The following CNTNAP2 variants were observed in gnomAD, a reference collection of about 807,000 sequenced individuals.
CNTNAP2 encodes the protein contactin associated protein 2.
CNTNAP2 carries 98 observed loss-of-function variants against 155.2 expected under a neutral mutation model. That is an observed-to-expected ratio of 0.63 (90% CI 0.54 to 0.75). The LOEUF (loss-of-function observed/expected upper bound fraction) is 0.75. CNTNAP2 is among the 30% of genes least tolerant of loss of function. The probability of loss-of-function intolerance (pLI) is 0.00; values close to 1 mark genes in which losing one functional copy is unlikely to be tolerated. For missense variants in CNTNAP2, 1,727 were observed against 1,688.1 expected, an observed-to-expected ratio of 1.02 and a Z score of -0.40; for synonymous variants, 651 against 631.2, an observed-to-expected ratio of 1.03 and a Z score of -0.47.
intron 8 of CNTNAP2, among the ~76,000 whole-genome samples, chr7:147,194,987 TC>T (rs1474415072): frequency 6.6e-6 from 1 of 152,212 alleles, no homozygotes; most frequent in Non-Finnish European, 1.5e-5. Flanking sequence ...TGTCATGAAG[TC>T]TTTGCCCATG....
At chr7:147,489,521 C>G (rs1428468313) in intron 11 of CNTNAP2, among the ~76,000 whole-genome samples, 1 of 152,154 alleles carries the variant, frequency 6.6e-6, no homozygotes, top group African/African-American at 2.4e-5. Context: ...TATCTGAACA[C>G]CAAACCATGA....
At chr7:148,004,359 C>T (rs934427822) in intron 15 of CNTNAP2, among the ~76,000 whole-genome samples, 34 of 152,206 alleles carry the variant, frequency 2.2e-4, no homozygotes, top group Admixed American at 1.2e-3. Context: ...ATTATTACTA[C>T]ATAAATTTTT....
chr7:147,802,015 C>T (rs1218877458), intron 13 of CNTNAP2, among the ~76,000 whole-genome samples: 4 of 151,530 alleles, frequency 2.6e-5, no homozygotes, highest in East Asian at 2.0e-4. Context: ...CCTCACTTCC[C>T]GGACAGGGTG....
At chr7:147,145,508 G>A (rs918450365) in intron 8 of CNTNAP2, among the ~76,000 whole-genome samples, 1 of 152,096 alleles carries the variant, frequency 6.6e-6, no homozygotes. Flanking sequence ...ACCTGAAGGA[G>A]CTCCTCTGTT....
At chr7:146,333,134 G>T (rs1346166741) in intron 1 of CNTNAP2, among the ~76,000 whole-genome samples, 1 of 151,608 alleles carries the variant, frequency 6.6e-6, no homozygotes, top group Admixed American at 6.6e-5. Flanking sequence ...TAGTAGAGAT[G>T]GGGTTTCACC....
chr7:146,838,355 T>A (rs1455339460), intron 2 of CNTNAP2, among the ~76,000 whole-genome samples: 1 of 152,220 alleles, frequency 6.6e-6, no homozygotes, highest in Non-Finnish European at 1.5e-5. Flanking sequence ...TCCCACTCTG[T>A]CACTCAAACT....
intron 1 of CNTNAP2, among the ~76,000 whole-genome samples, chr7:146,654,892 G>T (rs1424259367): frequency 2.6e-5 from 4 of 151,948 alleles, no homozygotes; most frequent in African/African-American, 9.7e-5. Flanking sequence ...TGCATTTATG[G>T]ATATTTTAAT....
chr7:147,755,275 A>C (rs1371375763), intron 13 of CNTNAP2, among the ~76,000 whole-genome samples: 2 of 152,174 alleles, frequency 1.3e-5, no homozygotes, highest in African/African-American at 4.8e-5. Context: ...GGTAGATTTG[A>C]AGAACAAAAA....
At chr7:146,399,138 T>A (rs1238727172) in intron 1 of CNTNAP2, among the ~76,000 whole-genome samples, 3 of 152,210 alleles carry the variant, frequency 2.0e-5, no homozygotes, top group Non-Finnish European at 4.4e-5. Context: ...GTAGAATGGA[T>A]AAATAAAGCT....
chr7:146,854,953 A>G (rs754281920), intron 3 of CNTNAP2, among the ~76,000 whole-genome samples: 6 of 152,132 alleles, frequency 3.9e-5, no homozygotes, highest in Admixed American at 3.3e-4. Context: ...ATTGCCATCT[A>G]TGTATAATTG....
At chr7:147,467,486 G>T (rs1210448910) in intron 10 of CNTNAP2, among the ~76,000 whole-genome samples, 2 of 152,024 alleles carry the variant, frequency 1.3e-5, no homozygotes, top group Non-Finnish European at 2.9e-5. Context: ...CTAAATGACG[G>T]GTACACATGG....
In CNTNAP2 at chr7:147,975,049, C is replaced by CATATAATACAATTTTTT. The variant is rs1563154363; in HGVS notation, c.2256-2813_2256-2812insATATAATACAATTTTTT. Among the ~76,000 whole-genome samples the CATATAATACAATTTTTT allele has an allele frequency of 1.2e-3, 183 of 150,624 alleles. 1 individual carries two copies. The highest frequency in any genetic ancestry group is 3.9e-3 in the African/African-American group (159 of 41,088). On this transcript the variant is annotated intron_variant, in intron 14 of 23. Coordinates refer to ENST00000361727, the MANE Select transcript of CNTNAP2 (RefSeq NM_014141.6). ...ACATATAATACAATTTTTTGTATTA[C>CATATAATACAATTTTTT]GTATAATACAATTTTTTGTATTATG...
intron 15 of CNTNAP2, among the ~76,000 whole-genome samples, chr7:148,039,329 G>T (rs1802627217): frequency 6.6e-6 from 1 of 152,132 alleles, no homozygotes. Context: ...TTTGTCTTCT[G>T]CCTTTTGTTA....
Position 146,826,857 on chromosome 7 carries a change from T to TATATATAGAG in CNTNAP2, c.209-12853_209-12852insTATATAGAGA, listed in dbSNP as rs773069615. ...ATATGTATATATATATATATATATA[T>TATATATAGAG]AGAGAGAGAGAGAGAGAGAGAGACT... On this transcript the variant is annotated intron_variant, in intron 2 of 23. Transcript: ENST00000361727. 3.1e-4 allele frequency among the ~76,000 whole-genome samples: 43 copies of TATATATAGAG among 138,976 alleles called. 1 individual carries two copies. The highest frequency in any genetic ancestry group is 1.1e-4 in the Non-Finnish European group (7 of 65,094). The allele number at this position is 138,976 out of a possible 152,430, so 91.2% of individuals were successfully genotyped here. A position where few individuals can be genotyped will look rare whatever the true frequency, so the allele number is the denominator to read the frequency against.
At chr7:147,070,503 A>C (rs184022891) in intron 4 of CNTNAP2, among the ~76,000 whole-genome samples, 5 of 152,292 alleles carry the variant, frequency 3.3e-5, no homozygotes, top group Admixed American at 1.3e-4. Flanking sequence ...GTCTGATCAG[A>C]AGTTGGGTCC....
intron 1 of CNTNAP2, among the ~76,000 whole-genome samples, chr7:146,616,900 GA>G (rs370039168): frequency 2.0e-4 from 30 of 152,026 alleles, no homozygotes; most frequent in African/African-American, 9.6e-5. Flanking sequence ...TTATTCCATA[GA>G]AAAAAAACCT....
Position 146,509,540 on chromosome 7 carries a change from C to A in CNTNAP2, c.98-264731C>A, listed in dbSNP as rs150370573. 3.2e-3 allele frequency among the ~76,000 whole-genome samples: 487 copies of A among 152,232 alleles called. 1 individual carries two copies. The highest frequency in any genetic ancestry group is 0.01 in the African/African-American group (427 of 41,552). ...CATGGTAGGAGGTCTCTGAGCCCAC[C>A]CCTGGGGCCTCAATGACTTCCTGGT... On this transcript the variant is annotated intron_variant, in intron 1 of 23. Coordinates refer to ENST00000361727, the MANE Select transcript of CNTNAP2 (RefSeq NM_014141.6).
chr7:146,944,394 T>C (rs924869318), intron 3 of CNTNAP2, among the ~76,000 whole-genome samples: 1 of 152,148 alleles, frequency 6.6e-6, no homozygotes, highest in Non-Finnish European at 1.5e-5. Context: ...TTGCATATGG[T>C]ATATTGAATC....
chr7:148,137,734 A>AAGGAAGGT (rs1563211793), intron 16 of CNTNAP2, among the ~76,000 whole-genome samples: 6 of 141,298 alleles, frequency 4.2e-5, no homozygotes, highest in African/African-American at 2.8e-5. Context: ...GGAAGGAAGG[A>AAGGAAGGT]AGGTTCTCCT....
Sources: gnomAD v4.1 joint callset for allele counts (sites outside exome capture counted in the v4.1 genomes callset) on GRCh38, gnomAD v4.1.1 for gene constraint, MANE v1.5 for transcripts, NCBI Gene and HGNC (gene_info 2026-07-23, HGNC 2026-07-21) for gene names.